EMC3: variants seen among roughly 807,000 people sequenced by gnomAD.
The protein encoded by EMC3 is 30 kDa protein.
EMC3 carries 13 observed loss-of-function variants against 36.6 expected under a neutral mutation model. That is an observed-to-expected ratio of 0.35 (90% CI 0.23 to 0.56). The LOEUF is 0.56. EMC3 is among the 20% of genes least tolerant of loss of function. EMC3 has a pLI of 0.84. For synonymous variants in EMC3, 120 were observed against 111.9 expected (o/e 1.07, Z -0.46); for missense variants, 220 against 324.5 (o/e 0.68, Z 2.47).
intron 1 of EMC3, chr3:9,994,369 A>C: frequency 1.5e-6 from 1 of 651,822 alleles, no homozygotes. Context: ...AGAGGAAGGA[A>C]GAATCATCTA....
intron 1 of EMC3, among the ~76,000 whole-genome samples, chr3:9,998,597 A>C (rs1010907914): frequency 6.6e-6 from 1 of 151,222 alleles, no homozygotes; most frequent in Non-Finnish European, 1.5e-5. Context: ...TCCTGGCCCT[A>C]TTTTTTAATT....
chr3:9,966,225 GTT>G (rs1264198471), intron 7 of EMC3, among the ~76,000 whole-genome samples: 8 of 138,902 alleles, frequency 5.8e-5, no homozygotes, highest in Non-Finnish European at 3.2e-5. Flanking sequence ...AGTGGTATCT[GTT>G]TTTTTTTTTT....
chr3:9,964,914 T>A (rs2085721409), intron 7 of EMC3, among the ~76,000 whole-genome samples: 2 of 152,164 alleles, frequency 1.3e-5, no homozygotes, highest in African/African-American at 4.8e-5. Flanking sequence ...TTAATCTGAC[T>A]ACTTTGCCTT....
At chr3:9,980,552 T>TTG (rs2085899691) in intron 1 of EMC3, among the ~76,000 whole-genome samples, 1 of 142,360 alleles carries the variant, frequency 7.0e-6, no homozygotes, top group Non-Finnish European at 1.5e-5. Flanking sequence ...TTTGTTTTTT[T>TTG]TGTTTTTTTT....
chr3:9,965,234 C>T (rs938912566), intron 7 of EMC3, among the ~76,000 whole-genome samples: 3 of 151,866 alleles, frequency 2.0e-5, no homozygotes, highest in African/African-American at 7.3e-5. Flanking sequence ...CAGCGAGATC[C>T]CATCTCTATA....
chr3:9,987,294 C>T (rs2124921712), upstream of EMC3: 3 of 985,268 alleles, frequency 3.0e-6, no homozygotes, highest in East Asian at 1.1e-4. Flanking sequence ...GTCGTAGTCT[C>T]TCGAGGCCCC....
intron 1 of EMC3, among the ~76,000 whole-genome samples, chr3:9,979,827 G>C (rs17050669): frequency 3.9e-5 from 6 of 152,010 alleles, no homozygotes; most frequent in Admixed American, 3.9e-4. Flanking sequence ...GATGAGTGAG[G>C]ATTACCTTGG....
intron 7 of EMC3, among the ~76,000 whole-genome samples, chr3:9,966,761 G>A (rs1365043580): frequency 4.6e-5 from 7 of 152,026 alleles, no homozygotes; most frequent in Non-Finnish European, 1.0e-4. Flanking sequence ...TTTTAGTGGA[G>A]ATGGCATTTC....
At position 9,971,066 on chromosome 3, in the gene EMC3, G is replaced by A. The variant is rs372465976; in HGVS notation, c.495-405C>T. Among the ~76,000 whole-genome samples the A allele has an allele frequency of 3.3e-5, 5 of 152,194 alleles. No individual in the cohort carries two copies. The South Asian group carries it at 8.3e-4, about 25-fold the overall frequency. On this transcript the variant is annotated intron_variant, in intron 5 of 7. Transcript: ENST00000245046. The stretch of plus-strand genomic sequence containing the variant: ...ACCTCCTGAGTAGCTGGGACTACAG[G>A]CACACACCACCATGCCTGGCTAATT...
chr3:9,982,640 T>C (rs1354566478), intron 1 of EMC3, among the ~76,000 whole-genome samples: 1 of 151,944 alleles, frequency 6.6e-6, no homozygotes, highest in East Asian at 1.9e-4. Flanking sequence ...ATAATCCCAA[T>C]ATTGTGGAAG....
rs2085712024 is a variant in EMC3, at chr3:9,963,852, A to G, written c.*217T>C. 1 of 595,648 alleles carries G rather than the reference A, an allele frequency of 1.7e-6. No individual in the cohort carries two copies. The highest frequency in any genetic ancestry group is 3.6e-5 in the Admixed American group (1 of 27,784). 36.9% of individuals were successfully genotyped at this position (595,648 alleles called of 1,614,324 possible). A position where few individuals can be genotyped will look rare whatever the true frequency, so the allele number is the denominator to read the frequency against. On this transcript the variant is annotated 3_prime_UTR_variant, in exon 8 of 8. Coordinates refer to ENST00000245046, the MANE Select transcript of EMC3 (RefSeq NM_001394674.1). ...CATTACTAGAGTCACCAGAAGGAAC[A>G]TTTACAACATTTTAAAAATAACAAG...
At chr3:9,984,045 A>G (rs1575684963) in intron 1 of EMC3, among the ~76,000 whole-genome samples, 1 of 151,738 alleles carries the variant, frequency 6.6e-6, no homozygotes, top group Non-Finnish European at 1.5e-5. Flanking sequence ...CCCACTTCGC[A>G]CTTTTCTACA....
intron 6 of EMC3, among the ~76,000 whole-genome samples, chr3:9,970,379 C>T (rs2085772888): frequency 6.6e-6 from 1 of 152,158 alleles, no homozygotes; most frequent in South Asian, 2.1e-4. Flanking sequence ...AATACTGTCC[C>T]AGTCATTGCC....
At chr3:9,977,248 T>A in intron 2 of EMC3, 141 bp downstream of exon 2, 1 of 879,744 alleles carries the variant, frequency 1.1e-6, no homozygotes, top group Non-Finnish European at 1.7e-6. Context: ...GAGGTCACCA[T>A]GAGAGCAAAC....
intron 1 of EMC3, 123 bp from the exon 2 acceptor site, chr3:9,977,569 A>C: frequency 1.4e-6 from 1 of 705,296 alleles, no homozygotes; most frequent in South Asian, 2.1e-5. Flanking sequence ...CTCTGTGTGG[A>C]AACTTCCCAA....
chr3:9,995,321 C>T (rs6807517), intron 1 of EMC3, among the ~76,000 whole-genome samples: 36,682 of 118,020 alleles, frequency 0.31, 4,435 homozygotes, highest in African/African-American at 0.45. Flanking sequence ...CAACCTCAAC[C>T]TAAAGGGTAA....
At chr3:9,991,361 C>A (rs1193896961), upstream of EMC3, among the ~76,000 whole-genome samples, 2 of 152,220 alleles carry the variant, frequency 1.3e-5, no homozygotes, top group African/African-American at 4.8e-5. Flanking sequence ...TCTCTGCTCT[C>A]TTTCCCATTC....
intron 1 of EMC3, among the ~76,000 whole-genome samples, chr3:9,994,004 A>C (rs2086090724): frequency 6.6e-6 from 1 of 152,304 alleles, no homozygotes; most frequent in South Asian, 2.1e-4. Flanking sequence ...ACTCCCATTG[A>C]TCCTGAGAGA....
chr3:9,975,922 A>C (rs1435074669), intron 3 of EMC3, among the ~76,000 whole-genome samples: 1 of 151,982 alleles, frequency 6.6e-6, no homozygotes, highest in African/African-American at 2.4e-5. Flanking sequence ...GTTTCTTGTA[A>C]ATTTTCTTAA....
Sources: allele counts gnomAD v4.1 joint callset (sites outside exome capture counted in the v4.1 genomes callset), GRCh38; gene constraint gnomAD v4.1.1; transcripts MANE v1.5; gene names NCBI Gene and HGNC (gene_info 2026-07-23, HGNC 2026-07-21).